SCN9A: variants seen among roughly 807,000 people sequenced by gnomAD.
The protein encoded by SCN9A is sodium channel protein type 9 subunit alpha.
SCN9A carries 131 observed loss-of-function variants against 187.0 expected under a neutral mutation model. The observed-to-expected ratio is 0.70, with a 90% CI of 0.61 to 0.81. The LOEUF is 0.81. SCN9A is among the 30% of genes least tolerant of loss of function. SCN9A has a pLI of 0.00. For missense variants in SCN9A, 2,252 were observed against 2,396.6 expected, an observed-to-expected ratio of 0.94 and a Z score of 1.26; for synonymous variants, 809 against 808.6, an observed-to-expected ratio of 1.00 and a Z score of -0.01.
chr2:166,339,213 T>C (rs567347819), intron 1 of SCN9A, among the ~76,000 whole-genome samples: 95 of 152,258 alleles, frequency 6.2e-4, no homozygotes, highest in African/African-American at 1.9e-3. Context: ...TTTGTTGGTC[T>C]GTTTAAGCCA....
At chr2:166,297,222 A>G (rs1314264625) in intron 7 of SCN9A, among the ~76,000 whole-genome samples, 2 of 139,776 alleles carry the variant, frequency 1.4e-5, no homozygotes, top group Non-Finnish European at 3.1e-5. Context: ...AAAAAAAAAA[A>G]AAAAAGAACC....
At chr2:166,324,542 T>C (rs1442320315) in intron 1 of SCN9A, among the ~76,000 whole-genome samples, 1 of 152,178 alleles carries the variant, frequency 6.6e-6, no homozygotes, top group East Asian at 1.9e-4. Context: ...ACCATTAATT[T>C]TTAAAGCATT....
At chr2:166,303,903 T>C (rs1358507853) in intron 6 of SCN9A, 8 of 984,270 alleles carry the variant, frequency 8.1e-6, no homozygotes, top group Non-Finnish European at 1.2e-5. Flanking sequence ...ACTCAAAGGT[T>C]GACTTTTGAT....
At chr2:166,201,204 TACTATATATATACA>T (rs1693495859) in intron 26 of SCN9A, among the ~76,000 whole-genome samples, 2 of 141,212 alleles carry the variant, frequency 1.4e-5, no homozygotes, top group Admixed American at 1.0e-4. Context: ...TATACACACA[TACTATATATATACA>T]CATACTATAT....
Position 166,311,329 on chromosome 2 carries a change from C to CATATATATATAT in SCN9A, c.258+169_258+170insATATATATATAT, listed in dbSNP as rs1559034298. ...TTGAAAAAGTACAGATTCTGAATAT[C>CATATATATATAT]CTATATATATATATATATATATATA... On this transcript the variant is annotated intron_variant, in intron 2 of 26. Coordinates refer to ENST00000642356, the MANE Select transcript of SCN9A (RefSeq NM_001365536.1). 4.1e-3 allele frequency among the ~76,000 whole-genome samples: 195 copies of CATATATATATAT among 47,896 alleles called. 57 individuals are homozygous for CATATATATATAT. Among genetic ancestry groups the CATATATATATAT allele is most frequent in the Non-Finnish European group, 5.2e-3 (134 of 25,860 alleles). 31.4% of individuals were successfully genotyped at this position (47,896 alleles called of 152,430 possible). A position where few individuals can be genotyped will look rare whatever the true frequency, so the allele number is the denominator to read the frequency against.
intron 17 of SCN9A, among the ~76,000 whole-genome samples, chr2:166,252,705 AGTGATCATAACGCAAATAG>A: frequency 6.6e-6 from 1 of 152,026 alleles, no homozygotes; most frequent in East Asian, 1.9e-4. Flanking sequence ...TGATCATATA[AGTGATCATAACGCAAATAG>A]GTTTTTCTCA....
At chr2:166,308,409 A>T (rs1006604144) in intron 2 of SCN9A, among the ~76,000 whole-genome samples, 8 of 152,050 alleles carry the variant, frequency 5.3e-5, no homozygotes, top group African/African-American at 1.9e-4. Flanking sequence ...ATAGTGAGTG[A>T]GTGAGTTCTC....
intron 24 of SCN9A, among the ~76,000 whole-genome samples, chr2:166,215,203 G>A (rs1694278857): frequency 1.3e-5 from 2 of 152,072 alleles, no homozygotes; most frequent in Admixed American, 6.6e-5. Flanking sequence ...CAGGCAATGG[G>A]TCAAAGAAGA....
Position 166,311,563 on chromosome 2 carries a change from T to A in SCN9A, c.194A>T (p.Asp65Val). 1.9e-6 allele frequency: 3 copies of A among 1,612,958 alleles called. No individual in the cohort carries two copies. Among genetic ancestry groups the A allele is most frequent in the African/African-American group, 2.7e-5 (2 of 74,806 alleles). ...AGKQLPFIYG[D>V]IPPGMVSEPL... ...CTCTGACACCATGCCGGGAGGAATGTCCCCATAGATGAAGGGCAGCTGTTT... is the reference window on the plus strand; with the variant it reads ...CTCTGACACCATGCCGGGAGGAATGACCCCATAGATGAAGGGCAGCTGTTT... The change falls in exon 2 of 27, where the codon GAC (aspartate) becomes GTC (valine). Residue 65 changes from aspartate (D) to valine (V), a missense_variant. Around this residue, in one of 7 missense-constraint regions of SCN9A, gnomAD observed 1,013 missense variants for 997.4 expected, o/e 1.02. Transcript: ENST00000642356.
intron 1 of SCN9A, among the ~76,000 whole-genome samples, chr2:166,339,245 C>T (rs979139399): frequency 5.3e-5 from 8 of 152,140 alleles, no homozygotes; most frequent in Non-Finnish European, 1.0e-4. Context: ...CACTGCTCTT[C>T]GGAAATCAAA....
chr2:166,281,542 G>A (rs1697486699), intron 13 of SCN9A, 137 bp downstream of exon 13: 3 of 673,296 alleles, frequency 4.5e-6, no homozygotes, highest in Non-Finnish European at 7.1e-6. Context: ...GTATCCATTG[G>A]TTATCTTTAC....
rs1479015053 is a variant in SCN9A at position 166,326,951 on chromosome 2, T to C, written c.-50-15145A>G. ...TTCAGGCTGAAGACTGGGACCACTA[T>C]GGGTTATCTTCAAATATTGTTTAGC... On this transcript the variant is annotated intron_variant, in intron 1 of 26. Transcript: ENST00000642356. Among the ~76,000 whole-genome samples, 7 of 152,296 alleles carry C rather than the reference T, an allele frequency of 4.6e-5. No homozygotes were observed. The East Asian group carries it at 1.4e-3, about 29-fold the overall frequency.
chr2:166,308,252 C>A (rs1698820926), intron 2 of SCN9A, among the ~76,000 whole-genome samples: 2 of 152,096 alleles, frequency 1.3e-5, no homozygotes, highest in Non-Finnish European at 2.9e-5. Context: ...AATTATTCAT[C>A]CATTCTTTCT....
intron 1 of SCN9A, among the ~76,000 whole-genome samples, chr2:166,330,884 C>A (rs1198396624): frequency 1.3e-5 from 2 of 152,074 alleles, no homozygotes; most frequent in South Asian, 2.1e-4. Context: ...GGCCATGGAC[C>A]AGTATCTGTC....
chr2:166,243,653 A>T (rs903480976), intron 18 of SCN9A, among the ~76,000 whole-genome samples: 20 of 151,938 alleles, frequency 1.3e-4, no homozygotes, highest in African/African-American at 4.6e-4. Context: ...ATGCAAGCAG[A>T]ATGTACACAA....
At chr2:166,260,313 GAAT>G (rs1161448874) in intron 17 of SCN9A, among the ~76,000 whole-genome samples, 2 of 151,824 alleles carry the variant, frequency 1.3e-5, no homozygotes, top group Non-Finnish European at 2.9e-5. Context: ...GTGGATAGAT[GAAT>G]GAATGAGTGA....
chr2:166,298,612 CT>C, intron 7 of SCN9A: 1 of 150,288 alleles, frequency 6.7e-6, no homozygotes, highest in Non-Finnish European at 1.5e-5. Context: ...ATTCCTTGAT[CT>C]TTTAAATATT....
At position 166,318,291 on chromosome 2, in the gene SCN9A, C is replaced by A. The variant is rs138982989; in HGVS notation, c.-50-6485G>T. ...TACACCATACATGTATATACACAGA[C>A]CTTTCAGTCATCCCTCTCTTTCAAG... On this transcript the variant is annotated intron_variant, in intron 1 of 26. Coordinates refer to ENST00000642356, the MANE Select transcript of SCN9A (RefSeq NM_001365536.1). Among the ~76,000 whole-genome samples, 460 of 152,136 alleles carry A rather than the reference C, an allele frequency of 3.0e-3. 2 individuals carry two copies. The highest frequency in any genetic ancestry group is 4.9e-3 in the Non-Finnish European group (330 of 67,992).
At chr2:166,277,414 A>G (rs1697285662) in intron 15 of SCN9A, 75 bp from the exon 16 acceptor site, 1 of 972,270 alleles carries the variant, frequency 1.0e-6, no homozygotes, top group Non-Finnish European at 1.5e-6. Flanking sequence ...ATTTTTGTTC[A>G]AAGGGTAAAG....
Sources: gnomAD v4.1 joint callset for allele counts (sites outside exome capture counted in the v4.1 genomes callset) on GRCh38, gnomAD v4.1.1 for gene constraint, gnomAD v4.1.1 regional missense constraint, MANE v1.5 for transcripts, NCBI Gene and HGNC (gene_info 2026-07-23, HGNC 2026-07-21) for gene names.